UBQLN1: variants seen among roughly 807,000 people sequenced by gnomAD.
UBQLN1 encodes the protein ubiquilin 1, also known as ubiquilin-1.
A neutral mutation model predicts 65.4 loss-of-function variants in UBQLN1; 13 were observed. That is an observed-to-expected ratio of 0.20 (90% CI 0.13 to 0.32). The LOEUF is 0.32. Ranked by LOEUF, UBQLN1 falls within the 10% of genes least tolerant of loss-of-function variation. UBQLN1 has a pLI of 1.00. For synonymous variants in UBQLN1, 267 were observed against 247.8 expected (o/e 1.08, Z -0.73); for missense variants, 561 against 724.0 (o/e 0.77, Z 2.58).
intron 2 of UBQLN1, 49 bp from the exon 3 acceptor site, chr9:83,683,115 T>G: frequency 2.9e-6 from 4 of 1,396,360 alleles, no homozygotes; most frequent in Non-Finnish European, 4.0e-6. Flanking sequence ...TGATTATTTT[T>G]AAAAGAACCA....
At chr9:83,665,247 T>A in intron 8 of UBQLN1, 102 bp from the exon 9 acceptor site, 1 of 809,150 alleles carries the variant, frequency 1.2e-6, no homozygotes, top group Non-Finnish European at 1.9e-6. Context: ...ATCTAAAACC[T>A]TACTCCTGGA....
At chr9:83,695,124 A>G (rs375124390) in intron 1 of UBQLN1, among the ~76,000 whole-genome samples, 32 of 152,132 alleles carry the variant, frequency 2.1e-4, no homozygotes, top group African/African-American at 2.6e-4. Flanking sequence ...ATGAACATAT[A>G]AATACCTTTC....
intron 1 of UBQLN1, among the ~76,000 whole-genome samples, chr9:83,702,623 A>G (rs1477875433): frequency 6.6e-6 from 1 of 152,220 alleles, no homozygotes; most frequent in Non-Finnish European, 1.5e-5. Flanking sequence ...TCAATACATA[A>G]TATATCAAAA....
intron 1 of UBQLN1, among the ~76,000 whole-genome samples, chr9:83,703,976 T>C (rs1269400354): frequency 6.6e-6 from 1 of 152,204 alleles, no homozygotes; most frequent in Non-Finnish European, 1.5e-5. Flanking sequence ...AAACAGAATT[T>C]TGGTATAATG....
chr9:83,664,921 A>AC (rs1201781769), intron 9 of UBQLN1, 109 bp downstream of exon 9: 4 of 654,852 alleles, frequency 6.1e-6, no homozygotes, highest in African/African-American at 5.1e-5. Flanking sequence ...CCTGTATCCC[A>AC]CCAAAAAAAA....
chr9:83,674,922 A>C (rs1831805422), intron 6 of UBQLN1, among the ~76,000 whole-genome samples: 1 of 152,230 alleles, frequency 6.6e-6, no homozygotes. Flanking sequence ...CATGGCAGCA[A>C]AAACGTGCAG....
At chr9:83,666,119 CAAAAACA>C (rs145031174) in intron 8 of UBQLN1, among the ~76,000 whole-genome samples, 19,730 of 152,034 alleles carry the variant, frequency 0.13, 1,584 homozygotes, top group Middle Eastern at 0.25. Context: ...TCCTCAAAAG[CAAAAACA>C]AAATGTTCTT....
intron 1 of UBQLN1, among the ~76,000 whole-genome samples, chr9:83,690,438 G>A (rs1832108025): frequency 6.6e-6 from 1 of 152,188 alleles, no homozygotes; most frequent in Non-Finnish European, 1.5e-5. Context: ...GTTTGCAAGT[G>A]ACTTCTTGGG....
At chr9:83,664,065 A>T (rs1363884500) in intron 9 of UBQLN1, 22 bp from the exon 10 acceptor site, 5 of 1,608,438 alleles carry the variant, frequency 3.1e-6, no homozygotes, top group Non-Finnish European at 4.2e-6. Flanking sequence ...ACAAATAGGA[A>T]ATATCCTAAG....
At chr9:83,665,753 G>C (rs553416198) in intron 8 of UBQLN1, among the ~76,000 whole-genome samples, 23 of 152,260 alleles carry the variant, frequency 1.5e-4, no homozygotes, top group East Asian at 5.8e-4. Context: ...TGAGGCCCTA[G>C]AACTACCAGT....
intron 1 of UBQLN1, among the ~76,000 whole-genome samples, chr9:83,688,237 T>G (rs1337191281): frequency 6.6e-6 from 1 of 152,140 alleles, no homozygotes; most frequent in Non-Finnish European, 1.5e-5. Context: ...ACTCAACAAT[T>G]TTTCGAGGAA....
At chr9:83,662,038 T>C in intron 10 of UBQLN1, 99 bp from the exon 11 acceptor site, 1 of 1,081,456 alleles carries the variant, frequency 9.2e-7, no homozygotes, top group Non-Finnish European at 1.3e-6. Context: ...TAACATATGC[T>C]GATCTACTGA....
At chr9:83,704,484 A>T (rs922350599) in intron 1 of UBQLN1, among the ~76,000 whole-genome samples, 1 of 152,014 alleles carries the variant, frequency 6.6e-6, no homozygotes, top group African/African-American at 2.4e-5. Flanking sequence ...AAAATAAACT[A>T]CCATCAGAAA....
rs749461257 is a variant in UBQLN1 at position 83,707,470 on chromosome 9, C to T, written c.180+30G>A. On this transcript the variant is annotated intron_variant, in intron 1 of 10. Coordinates refer to ENST00000376395, the MANE Select transcript of UBQLN1 (RefSeq NM_013438.5). ...CGGGCGGAGGTCCTGCCGCCACCCC[C>T]ATCCCGGCCCGAGCCCCAGGCGGCC... 32 of 1,590,928 alleles carry T rather than the reference C, an allele frequency of 2.0e-5. 1 individual carries two copies. The Admixed American group carries it at 2.8e-4, about 14-fold the overall frequency.
intron 6 of UBQLN1, among the ~76,000 whole-genome samples, chr9:83,670,519 A>G (rs1468761131): frequency 6.6e-6 from 1 of 152,142 alleles, no homozygotes; most frequent in Non-Finnish European, 1.5e-5. Flanking sequence ...ACTGTAGTCT[A>G]TTAAGTATGC....
chr9:83,661,607 G>C lies in UBQLN1; in HGVS notation c.*180C>G, dbSNP rs2131137226. The C allele has an allele frequency of 3.5e-6, 2 of 575,524 alleles. No homozygotes were observed. Among genetic ancestry groups the C allele is most frequent in the Non-Finnish European group, 5.5e-6 (2 of 364,316 alleles). 35.7% of individuals were successfully genotyped at this position (575,524 alleles called of 1,614,324 possible). ...AGTAGCCTTAATTCCCACTGTTCCA[G>C]AAAAGAAAAATACAGAAAAACCCAC... On this transcript the variant is annotated 3_prime_UTR_variant, in exon 11 of 11. Transcript: ENST00000376395.
chr9:83,680,017 C>T lies in UBQLN1; in HGVS notation c.469G>A (p.Gly157Ser), dbSNP rs1443448667. 2 of 1,613,012 alleles carry T rather than the reference C, an allele frequency of 1.2e-6. No homozygotes were observed. Among genetic ancestry groups the T allele is most frequent in the African/African-American group, 2.7e-5 (2 of 74,910 alleles). ...GTATTCAAACCCAAGCTACTCAGAC[C>T]TGCAAGTCCCCCAAGGCCACCTAAG... is the stretch of plus-strand genomic sequence containing the variant. ...FGLGGLGGLA[G>S]LSSLGLNTTN... The change falls in exon 4 of 11, where the codon GGT becomes AGT. Residue 157 changes from glycine to serine, a missense_variant. Transcript: ENST00000376395.
chr9:83,661,800 G>A lies in UBQLN1; in HGVS notation c.1757C>T (p.Ser586Phe), dbSNP rs762807463. 6.2e-7 allele frequency: 1 copy of A among 1,607,254 alleles called. No homozygotes were observed. The highest frequency in any genetic ancestry group is 8.5e-7 in the Non-Finnish European group (1 of 1,176,950). ...ACAGAAATGCTGCTATGATGGCTGG[G>A]AGCCCAGTAACCTTTCAATAGCTGC... is the stretch of plus-strand genomic sequence containing the variant. Reference protein sequence around the residue: ...INAAIERLLGSQPS With the variant: ...INAAIERLLGFQPS Residue 586 changes from serine (S) to phenylalanine (F), a missense_variant, in exon 11 of 11, where the codon TCC becomes TTC. By Grantham distance (155) the Ser-to-Phe change is radical. This residue lies in a region of UBQLN1 where 21 missense variants were observed against 55.7 expected (regional missense o/e 0.38). Coordinates refer to ENST00000376395, the MANE Select transcript of UBQLN1 (RefSeq NM_013438.5).
intron 3 of UBQLN1, among the ~76,000 whole-genome samples, chr9:83,680,670 A>C (rs1337321863): frequency 6.6e-6 from 1 of 152,200 alleles, no homozygotes. Flanking sequence ...TTGTGCCCTA[A>C]TAATTATCTT....
Sources: allele counts gnomAD v4.1 joint callset (sites outside exome capture counted in the v4.1 genomes callset), GRCh38; gene constraint gnomAD v4.1.1; regional missense constraint gnomAD v4.1.1; transcripts MANE v1.5; gene names NCBI Gene and HGNC (gene_info 2026-07-23, HGNC 2026-07-21).